The following PCDHGA8 variants were observed in gnomAD, a reference collection of about 807,000 sequenced individuals.
The protein encoded by PCDHGA8 is protocadherin gamma-A8.
In PCDHGA8, 45 loss-of-function variants were observed where a neutral mutation model predicts 59.2. The ratio of observed to expected loss-of-function variants is 0.76; its 90% CI spans 0.60 to 0.98. The LOEUF is 0.98. Ranked by LOEUF, PCDHGA8 falls within the 50% of genes least tolerant of loss-of-function variation. The pLI is 0.00. For missense variants in PCDHGA8, 1,257 were observed against 1,196.2 expected (o/e 1.05, Z -0.75); for synonymous variants, 531 against 519.0 (o/e 1.02, Z -0.32).
chr5:141,469,206 AG>A (rs1457933263), intron 1 of PCDHGA8, among the ~76,000 whole-genome samples: 1 of 150,920 alleles, frequency 6.6e-6, no homozygotes, highest in African/African-American at 2.4e-5. Context: ...AGCCTTTTGA[AG>A]TTGAGGCTTC....
intron 1 of PCDHGA8, chr5:141,413,350 G>A: frequency 6.2e-7 from 1 of 1,613,974 alleles, no homozygotes; most frequent in Non-Finnish European, 8.5e-7. Context: ...CTTGGGTCTG[G>A]CGCCCCGGGA....
intron 1 of PCDHGA8, among the ~76,000 whole-genome samples, chr5:141,448,117 A>G (rs564444141): frequency 6.6e-6 from 1 of 152,094 alleles, no homozygotes; most frequent in Non-Finnish European, 1.5e-5. Flanking sequence ...AAAGAAAATT[A>G]GCCTCCCCCA....
chr5:141,421,665 C>T, intron 1 of PCDHGA8: 1 of 1,613,854 alleles, frequency 6.2e-7, no homozygotes, highest in African/African-American at 1.3e-5. Context: ...TCAGTGAGCA[C>T]GCAATTCCTG....
chr5:141,478,489 C>T (rs779457709), intron 1 of PCDHGA8: 99 of 1,613,162 alleles, frequency 6.1e-5, no homozygotes, highest in Non-Finnish European at 8.1e-5. Context: ...CGCTGCGGAG[C>T]TGTGATCCGG....
rs769249726 is a variant in PCDHGA8 at position 141,490,832 on chromosome 5, A to C, written c.2425-3975A>C. On this transcript the variant is annotated intron_variant, in intron 1 of 3. Transcript: ENST00000398604. This position sits in a 1 kb window ranked among gnomAD's most constrained non-coding sequence, Gnocchi z 5.4. Reference sequence around the variant, plus strand: ...GACTATGAATTGCTGCAGATGCTGCAGATTGTGGTGGGGGTTCGAGACTCC... The same window carrying C: ...GACTATGAATTGCTGCAGATGCTGCCGATTGTGGTGGGGGTTCGAGACTCC... 1.5e-5 allele frequency: 25 copies of C among 1,613,796 alleles called. No individual in the cohort carries two copies. In the South Asian group the frequency reaches 2.6e-4, roughly 17 times the overall value.
At chr5:141,398,293 T>A in intron 1 of PCDHGA8, 1 of 1,383,344 alleles carries the variant, frequency 7.2e-7, no homozygotes, top group Non-Finnish European at 9.9e-7. Flanking sequence ...GGACCTGGGG[T>A]TCAGCGTCCA....
intron 1 of PCDHGA8, among the ~76,000 whole-genome samples, chr5:141,445,489 G>A (rs934531418): frequency 7.2e-5 from 11 of 152,188 alleles, no homozygotes; most frequent in Non-Finnish European, 1.3e-4. Context: ...GAGTTAATGG[G>A]CCCTATTCTA....
At chr5:141,419,904 C>G (rs2096446397) in intron 1 of PCDHGA8, 2 of 1,614,108 alleles carry the variant, frequency 1.2e-6, no homozygotes, top group Non-Finnish European at 1.7e-6. Flanking sequence ...CCCACACCCT[C>G]TGACTCCCAG....
intron 1 of PCDHGA8, chr5:141,404,724 T>C: frequency 6.2e-7 from 1 of 1,613,942 alleles, no homozygotes; most frequent in Non-Finnish European, 8.5e-7. Context: ...GTGACCAAGG[T>C]GGTGGCAGTG....
rs750109717 is a variant in PCDHGA8, at chr5:141,490,546, A to C, written c.2425-4261A>C. 1.9e-6 allele frequency: 3 copies of C among 1,614,110 alleles called. No individual in the cohort carries two copies. Among genetic ancestry groups the C allele is most frequent in the Non-Finnish European group, 2.5e-6 (3 of 1,180,036 alleles). On this transcript the variant is annotated intron_variant, in intron 1 of 3. Transcript: ENST00000398604. The surrounding 1 kb of genome is among the most constrained non-coding windows in gnomAD (Gnocchi z 5.4). ...CGATGCTGGTTCACCTTCCCTACAC[A>C]AACATCTCACCATCAGGCTCAACAT...
chr5:141,434,964 T>C (rs2154556462), intron 1 of PCDHGA8, among the ~76,000 whole-genome samples: 1 of 152,004 alleles, frequency 6.6e-6, no homozygotes, highest in East Asian at 1.9e-4. Context: ...ATTTATAAAA[T>C]TACTTTGTTA....
Position 141,487,003 on chromosome 5 carries a change from C to T in PCDHGA8, c.2425-7804C>T. The stretch of plus-strand genomic sequence containing the variant: ...ACAATGCTTGGGTTTCCTATCAGCT[C>T]CTGGAGGCCCCAGATCCCAGCCTGT... On this transcript the variant is annotated intron_variant, in intron 1 of 3. Transcript: ENST00000398604. The surrounding 1 kb of genome is among the most constrained non-coding windows in gnomAD (Gnocchi z 5.0). 1 of 1,614,228 alleles carries T rather than the reference C, an allele frequency of 6.2e-7. No homozygotes were observed.
Position 141,489,317 on chromosome 5 carries a change from G to T in PCDHGA8, c.2425-5490G>T. ...ATGTTGTCCTTGTGCTGCTGGGGCT[G>T]GGTGTCTGGGCAGCTTCGTTACTCA... is the stretch of plus-strand genomic sequence containing the variant. On this transcript the variant is annotated intron_variant, in intron 1 of 3. Coordinates refer to ENST00000398604, the MANE Select transcript of PCDHGA8 (RefSeq NM_032088.2). The surrounding 1 kb of genome is among the most constrained non-coding windows in gnomAD (Gnocchi z 4.5). 6.3e-7 allele frequency: 1 copy of T among 1,598,654 alleles called. No homozygotes were observed. The highest frequency in any genetic ancestry group is 8.5e-7 in the Non-Finnish European group (1 of 1,171,456).
Position 141,393,250 on chromosome 5 carries a change from C to G in PCDHGA8, c.437C>G (p.Ala146Gly). The G allele has an allele frequency of 6.8e-6, 11 of 1,613,824 alleles. No individual in the cohort carries two copies. The highest frequency in any genetic ancestry group is 1.1e-5 in the South Asian group (1 of 91,088). ...EDLEVKINEI[A>G]VPGARYPLPE... ...CTAGAAGTAAAAATTAACGAAATCG[C>G]GGTTCCTGGAGCACGTTATCCACTC... is the stretch of plus-strand genomic sequence containing the variant. The change falls in exon 1 of 4, where the codon GCG (alanine) becomes GGG (glycine). Residue 146 changes from alanine (A) to glycine (G), a missense_variant. Physicochemically the swap from Ala to Gly is moderately conservative, Grantham distance 60. Transcript: ENST00000398604.
At chr5:141,409,135 T>G (rs748247175) in intron 1 of PCDHGA8, 1 of 1,614,026 alleles carries the variant, frequency 6.2e-7, no homozygotes, top group Non-Finnish European at 8.5e-7. Context: ...ATTTTGAAGA[T>G]GTAGAAAGGT....
intron 1 of PCDHGA8, chr5:141,409,931 A>G: frequency 1.2e-6 from 2 of 1,613,260 alleles, no homozygotes; most frequent in Non-Finnish European, 1.7e-6. Flanking sequence ...GTTCTTCGAT[A>G]TGGTACCTCG....
chr5:141,393,261 G>A lies in PCDHGA8; in HGVS notation c.448G>A (p.Ala150Thr), dbSNP rs567943150. 16 of 1,613,898 alleles carry A rather than the reference G, an allele frequency of 9.9e-6. 1 individual carries two copies. Among genetic ancestry groups the A allele is most frequent in the South Asian group, 1.1e-5 (1 of 91,090 alleles). Reference protein sequence around the residue: ...VKINEIAVPGARYPLPEAVDP... With the variant: ...VKINEIAVPGTRYPLPEAVDP... ...AATTAACGAAATCGCGGTTCCTGGAGCACGTTATCCACTCCCAGAAGCTGT... is the reference window on the plus strand; with the variant it reads ...AATTAACGAAATCGCGGTTCCTGGAACACGTTATCCACTCCCAGAAGCTGT... The change falls in exon 1 of 4, where the codon GCA (alanine) becomes ACA (threonine). Residue 150 changes from alanine to threonine, a missense_variant. Transcript: ENST00000398604.
chr5:141,494,546 G>A (rs984336435), intron 1 of PCDHGA8, among the ~76,000 whole-genome samples: 7 of 152,152 alleles, frequency 4.6e-5, no homozygotes, highest in African/African-American at 1.2e-4. Context: ...GGAGGAAGGG[G>A]CCATTTCTTT....
intron 1 of PCDHGA8, among the ~76,000 whole-genome samples, chr5:141,467,062 T>C (rs2099136058): frequency 6.6e-6 from 1 of 151,686 alleles, no homozygotes; most frequent in South Asian, 2.1e-4. Context: ...TTTCTTTTTT[T>C]TTTTTTTTTA....
Sources: allele counts gnomAD v4.1 joint callset (sites outside exome capture counted in the v4.1 genomes callset), GRCh38; gene constraint gnomAD v4.1.1; non-coding constraint Gnocchi (gnomAD v3.1); transcripts MANE v1.5; gene names NCBI Gene and HGNC (gene_info 2026-07-23, HGNC 2026-07-21).